The following HSPA2 variants were observed in gnomAD, a reference collection of about 807,000 sequenced individuals.
HSPA2 encodes the protein heat shock protein family A (Hsp70) member 2, also known as heat shock-related 70 kDa protein 2.
A neutral mutation model predicts 35.0 loss-of-function variants in HSPA2; 13 were observed. The ratio of observed to expected loss-of-function variants is 0.37; its 90% CI spans 0.24 to 0.59. The LOEUF (loss-of-function observed/expected upper bound fraction) is 0.59, where lower values mean the gene tolerates loss of function less well. Ranked by LOEUF, HSPA2 falls within the 20% of genes least tolerant of loss-of-function variation. The pLI is 0.70. For missense variants in HSPA2, 565 were observed against 885.4 expected (o/e 0.64, Z 4.59); for synonymous variants, 368 against 382.1 (o/e 0.96, Z 0.43).
chr14:64,542,813 TCTC>T lies in HSPA2; in HGVS notation c.*45_*47del, dbSNP rs1021437912. ...GTAAACCTCTTTGCCTTTCTCTCTCTCTCTTTTTTTTTGTTTGTTTCTTTGAAA... is the reference window on the plus strand; with the variant it reads ...GTAAACCTCTTTGCCTTTCTCTCTCTTTTTTTTTTGTTTGTTTCTTTGAAA... On this transcript the variant is annotated 3_prime_UTR_variant, in exon 1 of 1. Transcript: ENST00000247207. The surrounding 1 kb of genome is among the most constrained non-coding windows in gnomAD (Gnocchi z 5.7). 1.3e-5 allele frequency: 19 copies of T among 1,439,202 alleles called. No homozygotes were observed. The highest frequency in any genetic ancestry group is 2.7e-5 in the South Asian group (2 of 73,568). The allele number at this position is 1,439,202 out of a possible 1,614,324, so 89.2% of individuals were successfully genotyped here. A position where few individuals can be genotyped will look rare whatever the true frequency, so the allele number is the denominator to read the frequency against.
At chr14:64,538,519 A>C (rs1174327998), upstream of HSPA2, among the ~76,000 whole-genome samples, 9 of 152,264 alleles carry the variant, frequency 5.9e-5, no homozygotes, top group Non-Finnish European at 1.2e-4. Context: ...ACCTATGTAA[A>C]GAATGGCTTT....
chr14:64,535,943 G>C (rs531556709), upstream of HSPA2: 1 of 131,768 alleles, frequency 7.6e-6, no homozygotes, highest in African/African-American at 2.7e-5. Context: ...GCCTTCTGCC[G>C]TGATTGTGAG....
Position 64,543,051 on chromosome 14 carries a change from A to T in HSPA2, c.*282A>T. On this transcript the variant is annotated 3_prime_UTR_variant, in exon 1 of 1. Transcript: ENST00000247207. The stretch of plus-strand genomic sequence containing the variant: ...CATGGAGATTTGTTTGAGATGAGAA[A>T]CCTTAAGTTTGCACACCTGTTCTGT... The T allele has an allele frequency of 1.9e-6, 1 of 515,642 alleles. No individual in the cohort carries two copies. The highest frequency in any genetic ancestry group is 3.5e-6 in the Non-Finnish European group (1 of 286,244). The allele number at this position is 515,642 out of a possible 1,614,324, so 31.9% of individuals were successfully genotyped here. A position where few individuals can be genotyped will look rare whatever the true frequency, so the allele number is the denominator to read the frequency against.
chr14:64,541,473 C>T lies in HSPA2; in HGVS notation c.624C>T (p.Phe208=), dbSNP rs995423169. 2 of 1,613,862 alleles carry T rather than the reference C, an allele frequency of 1.2e-6. No individual in the cohort carries two copies. Among genetic ancestry groups the T allele is most frequent in the African/African-American group, 2.7e-5 (2 of 75,034 alleles). The part of the protein sequence containing the change: ...VLIFDLGGGT[F]DVSILTIEDG... Reference sequence around the variant, plus strand: ...TCTTTGACCTGGGCGGTGGCACTTTCGACGTGTCCATCCTGACCATCGAGG... The same window carrying T: ...TCTTTGACCTGGGCGGTGGCACTTTTGACGTGTCCATCCTGACCATCGAGG... The change falls in exon 1 of 1, where the codon TTC becomes TTT. Residue 208 remains phenylalanine (F), a synonymous_variant. Transcript: ENST00000247207.
In HSPA2 at chr14:64,543,067, CCTGTT is replaced by C. The variant is rs1233296133; in HGVS notation, c.*303_*307del. The C allele has an allele frequency of 2.1e-6, 1 of 478,806 alleles. No individual in the cohort carries two copies. Among genetic ancestry groups the C allele is most frequent in the Non-Finnish European group, 3.8e-6 (1 of 262,602 alleles). 29.7% of individuals were successfully genotyped at this position (478,806 alleles called of 1,614,324 possible). A position where few individuals can be genotyped will look rare whatever the true frequency, so the allele number is the denominator to read the frequency against. On this transcript the variant is annotated 3_prime_UTR_variant, in exon 1 of 1. Transcript: ENST00000247207. The stretch of plus-strand genomic sequence containing the variant: ...AGATGAGAAACCTTAAGTTTGCACA[CCTGTT>C]CTGTAGAAGCTTGGAAACAGTAAAA...
At chr14:64,537,179 T>C (rs1465216632), upstream of HSPA2, among the ~76,000 whole-genome samples, 2 of 151,980 alleles carry the variant, frequency 1.3e-5, no homozygotes, top group Non-Finnish European at 2.9e-5. Flanking sequence ...CTCTAAGTCA[T>C]ATATCATCAG....
rs1339675504 is a variant in HSPA2 at position 64,542,717 on chromosome 14, G to A, written c.1868G>A (p.Gly623Asp). The A allele has an allele frequency of 1.9e-6, 3 of 1,613,678 alleles. No homozygotes were observed. The highest frequency in any genetic ancestry group is 1.7e-6 in the Non-Finnish European group (2 of 1,179,894). ...LYQGGPGGGS[G>D]GGGSGASGGP... ...CAAGGTGGTCCTGGCGGCGGCAGCG[G>A]CGGCGGCGGTTCAGGAGCCTCCGGG... Residue 623 changes from glycine to aspartate, a missense_variant, in exon 1 of 1, where the codon GGC (glycine) becomes GAC (aspartate). Coordinates refer to ENST00000247207, the MANE Select transcript of HSPA2 (RefSeq NM_021979.4). The surrounding 1 kb of genome is among the most constrained non-coding windows in gnomAD (Gnocchi z 5.7).
At position 64,541,649 on chromosome 14, in the gene HSPA2, G is replaced by T; in HGVS notation, c.800G>T (p.Arg267Leu). 6.2e-7 allele frequency: 1 copy of T among 1,611,330 alleles called. No individual in the cohort carries two copies. Among genetic ancestry groups the T allele is most frequent in the Admixed American group, 1.7e-5 (1 of 60,000 alleles). ...GPNKRAVRRL[R>L]TACERAKRTL... ...AACAAGCGCGCCGTGAGGCGGCTGC[G>T]CACCGCTTGCGAGCGCGCCAAGCGC... The change falls in exon 1 of 1, where the codon CGC becomes CTC. Residue 267 changes from arginine (R) to leucine (L), a missense_variant. This residue lies in a region of HSPA2 where 234 missense variants were observed against 419.0 expected (regional missense o/e 0.56). Coordinates refer to ENST00000247207, the MANE Select transcript of HSPA2 (RefSeq NM_021979.4).
upstream of HSPA2, chr14:64,540,250 C>G (rs994477269): frequency 1.3e-5 from 2 of 159,412 alleles, no homozygotes; most frequent in African/African-American, 4.8e-5. Flanking sequence ...AGTGAGTCGG[C>G]ACCCTAGCAG....
rs1371421206 is a variant in HSPA2, at chr14:64,542,057, C to T, written c.1208C>T (p.Ser403Leu). 1 of 1,613,676 alleles carries T rather than the reference C, an allele frequency of 6.2e-7. No homozygotes were observed. The highest frequency in any genetic ancestry group is 8.5e-7 in the Non-Finnish European group (1 of 1,180,036). ...DLLLLDVTPL[S>L]LGIETAGGVM... Reference sequence around the variant, plus strand: ...CTGCTACTCGACGTGACCCCGTTGTCGCTGGGCATCGAGACAGCTGGCGGT... The same window carrying T: ...CTGCTACTCGACGTGACCCCGTTGTTGCTGGGCATCGAGACAGCTGGCGGT... The change falls in exon 1 of 1, where the codon TCG (serine) becomes TTG (leucine). Residue 403 changes from serine (S) to leucine (L), a missense_variant. Ser to Leu is a moderately radical substitution (Grantham distance 145). Transcript: ENST00000247207. The surrounding 1 kb of genome is among the most constrained non-coding windows in gnomAD (Gnocchi z 5.7).
upstream of HSPA2, chr14:64,540,291 C>G (rs540235399): frequency 1.2e-5 from 2 of 170,502 alleles, no homozygotes; most frequent in South Asian, 1.3e-4. Context: ...AGGAATTGAG[C>G]GAACTCTCCC....
At chr14:64,539,342 G>A (rs1250254818), upstream of HSPA2, among the ~76,000 whole-genome samples, 1 of 152,164 alleles carries the variant, frequency 6.6e-6, no homozygotes, top group Non-Finnish European at 1.5e-5. Flanking sequence ...CCCCGTGTGT[G>A]CCAGGGTGAC....
At chr14:64,538,182 G>A (rs192085811), upstream of HSPA2, among the ~76,000 whole-genome samples, 1 of 152,242 alleles carries the variant, frequency 6.6e-6, no homozygotes, top group African/African-American at 2.4e-5. Context: ...TACACCACTA[G>A]ATAAAATAAT....
At chr14:64,539,902 G>A (rs547255846), upstream of HSPA2, among the ~76,000 whole-genome samples, 39 of 152,206 alleles carry the variant, frequency 2.6e-4, no homozygotes, top group Admixed American at 4.6e-4. Flanking sequence ...GGATGGTCTC[G>A]ATGTCTTAAC....
In HSPA2 at chr14:64,541,278, G is replaced by T. The variant is rs140932131; in HGVS notation, c.429G>T (p.Ala143=). The T allele has an allele frequency of 2.9e-5, 46 of 1,613,336 alleles. No homozygotes were observed. The highest frequency in any genetic ancestry group is 3.7e-5 in the Non-Finnish European group (44 of 1,179,800). ...EAYLGGKVHS[A]VITVPAYFND... is the part of the protein sequence containing the mutation. ...ACCTGGGGGGCAAGGTGCACAGCGCGGTCATAACGGTCCCGGCCTATTTCA... is the reference window on the plus strand; with the variant it reads ...ACCTGGGGGGCAAGGTGCACAGCGCTGTCATAACGGTCCCGGCCTATTTCA... The change falls in exon 1 of 1, where the codon GCG becomes GCT. Residue 143 remains alanine, a synonymous_variant. Transcript: ENST00000247207.
chr14:64,541,347 G>A lies in HSPA2; in HGVS notation c.498G>A (p.Thr166=). The change falls in exon 1 of 1, where the codon ACG becomes ACA. Residue 166 remains threonine (T), a synonymous_variant. Transcript: ENST00000247207. ...CCACCAAGGACGCAGGCACCATCACGGGGCTCAATGTGCTGCGCATCATCA... is the reference window on the plus strand; with the variant it reads ...CCACCAAGGACGCAGGCACCATCACAGGGCTCAATGTGCTGCGCATCATCA... ...RQATKDAGTI[T]GLNVLRIINE... is the part of the protein sequence containing the mutation. 6.2e-7 allele frequency: 1 copy of A among 1,613,312 alleles called. No homozygotes were observed. The highest frequency in any genetic ancestry group is 8.5e-7 in the Non-Finnish European group (1 of 1,179,756).
chr14:64,542,449 GCGAATCGCGAC>G lies in HSPA2; in HGVS notation c.1604_1614del (p.Asn535SerfsTer28). On this transcript the variant is annotated frameshift_variant, in exon 1 of 1. Coordinates refer to ENST00000247207, the MANE Select transcript of HSPA2 (RefSeq NM_021979.4). LOFTEE classifies it high-confidence loss of function. This position sits in a 1 kb window ranked among gnomAD's most constrained non-coding sequence, Gnocchi z 5.7. Reference sequence around the variant, plus strand: ...GGAGCGGTACAAATCGGAAGATGAGGCGAATCGCGACCGAGTCGCGGCCAAAAACGCCCTGG... The same window carrying G: ...GGAGCGGTACAAATCGGAAGATGAGGCGAGTCGCGGCCAAAAACGCCCTGG... 1 of 1,613,842 alleles carries G rather than the reference GCGAATCGCGAC, an allele frequency of 6.2e-7. No homozygotes were observed. The highest frequency in any genetic ancestry group is 8.5e-7 in the Non-Finnish European group (1 of 1,180,006).
chr14:64,539,795 C>A (rs2080009296), upstream of HSPA2, among the ~76,000 whole-genome samples: 1 of 152,230 alleles, frequency 6.6e-6, no homozygotes, highest in Non-Finnish European at 1.5e-5. Context: ...GATTCTCCTG[C>A]CTCAGCCTCC....
rs1428444502 is a variant in HSPA2 at position 64,541,668 on chromosome 14, C to G, written c.819C>G (p.Ala273=). Residue 273 remains alanine, a synonymous_variant, in exon 1 of 1, where the codon GCC becomes GCG. Transcript: ENST00000247207. The part of the protein sequence containing the change: ...VRRLRTACER[A]KRTLSSSTQA... ...GGCTGCGCACCGCTTGCGAGCGCGC[C>G]AAGCGCACCCTGAGCTCGTCCACGC... 6 of 1,611,764 alleles carry G rather than the reference C, an allele frequency of 3.7e-6. No homozygotes were observed. The highest frequency in any genetic ancestry group is 5.1e-6 in the Non-Finnish European group (6 of 1,179,764).
Sources: gnomAD v4.1 joint callset for allele counts (sites outside exome capture counted in the v4.1 genomes callset) on GRCh38, gnomAD v4.1.1 for gene constraint, gnomAD v4.1.1 regional missense constraint, Gnocchi (gnomAD v3.1) non-coding constraint, MANE v1.5 for transcripts, NCBI Gene and HGNC (gene_info 2026-07-23, HGNC 2026-07-21) for gene names.